Variants in TAFA2 observed in about 807,000 individuals in gnomAD.
The protein encoded by TAFA2 is chemokine-like protein TAFA-2.
In TAFA2, 7 loss-of-function variants were observed where a neutral mutation model predicts 18.8. That is an observed-to-expected ratio of 0.37 (90% CI 0.21 to 0.70). The LOEUF (loss-of-function observed/expected upper bound fraction) is 0.70. TAFA2 is among the 30% of genes least tolerant of loss of function. The pLI is 0.53. For synonymous variants in TAFA2, 60 were observed against 54.2 expected (o/e 1.11, Z -0.47); for missense variants, 122 against 158.1 (o/e 0.77, Z 1.23).
At chr12:61,823,608 A>C (rs1872410812) in intron 2 of TAFA2, among the ~76,000 whole-genome samples, 1 of 152,150 alleles carries the variant, frequency 6.6e-6, no homozygotes, top group South Asian at 2.1e-4. Flanking sequence ...TGGTCATCGC[A>C]TTCTGCATTG....
intron 1 of TAFA2, among the ~76,000 whole-genome samples, chr12:62,144,047 TAA>T (rs34514238): frequency 0.13 from 10,154 of 79,300 alleles, 580 homozygotes; most frequent in Admixed American, 0.21. Flanking sequence ...GACCCTATCT[TAA>T]AAAAAAAAAA....
In TAFA2 at chr12:61,851,451, AG is replaced by A. The variant is rs1873639967; in HGVS notation, c.106+15868del. 2.6e-5 allele frequency among the ~76,000 whole-genome samples: 4 copies of A among 152,134 alleles called. No individual in the cohort carries two copies. The South Asian group carries it at 8.3e-4, about 32-fold the overall frequency. On this transcript the variant is annotated intron_variant, in intron 2 of 4. Transcript: ENST00000416284. ...AGGAGGGAACAGGCACAAATCATGC[AG>A]GGCTTTGTCATCCATGTTACAAGTT...
At chr12:62,234,820 GC>G (rs2062828541) in intron 1 of TAFA2, 3 of 1,022,592 alleles carry the variant, frequency 2.9e-6, no homozygotes, top group Non-Finnish European at 4.6e-6. Flanking sequence ...TGGGAGTCTG[GC>G]TGACTTACGA....
intron 2 of TAFA2, among the ~76,000 whole-genome samples, chr12:61,782,538 A>G (rs1171439358): frequency 6.6e-6 from 1 of 151,784 alleles, no homozygotes; most frequent in Non-Finnish European, 1.5e-5. Context: ...TTTTTTACAC[A>G]TGTTATACAA....
chr12:62,072,584 C>A (rs1476725185), intron 1 of TAFA2, among the ~76,000 whole-genome samples: 1 of 151,836 alleles, frequency 6.6e-6, no homozygotes, highest in African/African-American at 2.4e-5. Flanking sequence ...AGTTCAAGAC[C>A]AACCTGGGCA....
intron 2 of TAFA2, among the ~76,000 whole-genome samples, chr12:61,775,074 C>T (rs561873313): frequency 7.3e-5 from 11 of 151,650 alleles, no homozygotes; most frequent in African/African-American, 2.7e-4. Flanking sequence ...AAAGATGCTC[C>T]AAATCATGTG....
intron 2 of TAFA2, among the ~76,000 whole-genome samples, chr12:61,862,642 A>ACT (rs779983720): frequency 3.6e-4 from 54 of 151,632 alleles, no homozygotes; most frequent in Middle Eastern, 3.4e-3. Context: ...CCTATCTACC[A>ACT]CTCTCTCCCT....
At chr12:61,774,973 A>T (rs1037566299) in intron 2 of TAFA2, among the ~76,000 whole-genome samples, 7 of 151,848 alleles carry the variant, frequency 4.6e-5, no homozygotes, top group Non-Finnish European at 7.4e-5. Context: ...AAAACTCAAC[A>T]ATAAGAACAC....
chr12:61,745,972 G>C (rs1868686772), intron 4 of TAFA2, among the ~76,000 whole-genome samples: 1 of 152,056 alleles, frequency 6.6e-6, no homozygotes, highest in South Asian at 2.1e-4. Context: ...TGAGGTGAAG[G>C]AGGAAATATG....
intron 4 of TAFA2, among the ~76,000 whole-genome samples, chr12:61,742,087 G>C (rs1488657941): frequency 6.6e-6 from 1 of 151,992 alleles, no homozygotes; most frequent in Non-Finnish European, 1.5e-5. Flanking sequence ...TAGAGATTGG[G>C]TTTCACCATG....
At chr12:62,215,744 C>CTCTTGCTTAAGAGAAACAACTTGTTTG (rs2062732488) in intron 1 of TAFA2, among the ~76,000 whole-genome samples, 1 of 136,252 alleles carries the variant, frequency 7.3e-6, no homozygotes, top group African/African-American at 2.8e-5. Context: ...CAACTTGTTT[C>CTCTTGCTTAAGAGAAACAACTTGTTTG]TCAAAAAAAA....
intron 2 of TAFA2, among the ~76,000 whole-genome samples, chr12:61,757,289 A>G (rs2120773972): frequency 6.6e-6 from 1 of 152,150 alleles, no homozygotes; most frequent in South Asian, 2.1e-4. Flanking sequence ...CAGTGGGTAG[A>G]ATGTGCGTCA....
chr12:61,719,967 A>C (rs1437414217), intron 4 of TAFA2, among the ~76,000 whole-genome samples: 2 of 152,168 alleles, frequency 1.3e-5, no homozygotes, highest in Non-Finnish European at 2.9e-5. Flanking sequence ...TGTAAATTTC[A>C]AACTAAAATC....
chr12:61,831,651 G>A (rs1267274684), intron 2 of TAFA2, among the ~76,000 whole-genome samples: 1 of 152,034 alleles, frequency 6.6e-6, no homozygotes, highest in Non-Finnish European at 1.5e-5. Context: ...CCTTGTGCAG[G>A]TCACTAAAAC....
intron 2 of TAFA2, among the ~76,000 whole-genome samples, chr12:61,865,891 G>A (rs1162486494): frequency 6.6e-6 from 1 of 150,806 alleles, no homozygotes; most frequent in Non-Finnish European, 1.5e-5. Context: ...GAATAATGAG[G>A]ATGGGGAGTG....
intron 1 of TAFA2, among the ~76,000 whole-genome samples, chr12:61,983,502 GGTTCTA>G (rs1879713082): frequency 1.3e-5 from 2 of 152,058 alleles, no homozygotes; most frequent in South Asian, 4.2e-4. Context: ...CTGCCTCCCT[GGTTCTA>G]GTGATTCTCC....
At chr12:62,117,661 A>G (rs1364358713) in intron 1 of TAFA2, among the ~76,000 whole-genome samples, 1 of 152,162 alleles carries the variant, frequency 6.6e-6, no homozygotes, top group Non-Finnish European at 1.5e-5. Context: ...AAGAAAATGT[A>G]GTAGAATGAG....
intron 1 of TAFA2, among the ~76,000 whole-genome samples, chr12:61,992,388 C>T (rs1341838471): frequency 6.6e-6 from 1 of 152,122 alleles, no homozygotes; most frequent in Non-Finnish European, 1.5e-5. Flanking sequence ...TATAGTAAAG[C>T]CTATAAGCTC....
At chr12:62,119,715 T>C (rs58470492) in intron 1 of TAFA2, among the ~76,000 whole-genome samples, 1 of 152,298 alleles carries the variant, frequency 6.6e-6, no homozygotes, top group African/African-American at 2.4e-5. Context: ...ACATATCCAC[T>C]ATTTCAGAGG....
Sources: allele counts gnomAD v4.1 joint callset (sites outside exome capture counted in the v4.1 genomes callset), GRCh38; gene constraint gnomAD v4.1.1; transcripts MANE v1.5; gene names NCBI Gene and HGNC (gene_info 2026-07-23, HGNC 2026-07-21).